The following FGGY variants were observed in gnomAD, a reference collection of about 807,000 sequenced individuals.
FGGY encodes FGGY carbohydrate kinase domain-containing protein.
FGGY carries 72 observed loss-of-function variants against 71.3 expected under a neutral mutation model. The ratio of observed to expected loss-of-function variants is 1.01; its 90% CI spans 0.84 to 1.23. The LOEUF (loss-of-function observed/expected upper bound fraction) is 1.23. Among genes scored for constraint, FGGY ranks in the 50% most tolerant of loss-of-function variants. The pLI is 0.00. For missense variants in FGGY, 668 were observed against 682.3 expected (o/e 0.98, Z 0.23); for synonymous variants, 251 against 250.3 (o/e 1.00, Z -0.02).
At chr1:59,429,724 C>T (rs1017129277) in intron 5 of FGGY, among the ~76,000 whole-genome samples, 3 of 152,178 alleles carry the variant, frequency 2.0e-5, no homozygotes, top group African/African-American at 7.2e-5. Flanking sequence ...ACACACGACA[C>T]ACACGTGACG....
chr1:59,332,545 T>G (rs929388264), intron 2 of FGGY, among the ~76,000 whole-genome samples: 4 of 152,098 alleles, frequency 2.6e-5, no homozygotes, highest in African/African-American at 7.2e-5. Context: ...AGGCATTTCC[T>G]TGTAAGGCTG....
At chr1:59,361,881 G>C (rs2055608311) in intron 4 of FGGY, among the ~76,000 whole-genome samples, 1 of 152,164 alleles carries the variant, frequency 6.6e-6, no homozygotes. Flanking sequence ...AACCCCACTT[G>C]TCCAAGAGGG....
chr1:59,491,352 A>G (rs1432423521), intron 6 of FGGY, among the ~76,000 whole-genome samples: 1 of 151,628 alleles, frequency 6.6e-6, no homozygotes, highest in Non-Finnish European at 1.5e-5. Flanking sequence ...CTGATGCATG[A>G]GCATGGAATG....
chr1:59,718,653 C>A (rs748549492), intron 14 of FGGY, among the ~76,000 whole-genome samples: 16 of 152,214 alleles, frequency 1.1e-4, no homozygotes, highest in South Asian at 2.1e-4. Flanking sequence ...TCTTTGTAAG[C>A]TTGTCACTTG....
At chr1:59,642,760 G>C (rs929262208) in intron 11 of FGGY, among the ~76,000 whole-genome samples, 1 of 151,628 alleles carries the variant, frequency 6.6e-6, no homozygotes, top group Non-Finnish European at 1.5e-5. Flanking sequence ...GGCTGGACGC[G>C]GTGGCTCACA....
intron 14 of FGGY, among the ~76,000 whole-genome samples, chr1:59,719,190 A>G (rs1033591217): frequency 6.6e-6 from 1 of 152,178 alleles, no homozygotes; most frequent in African/African-American, 2.4e-5. Flanking sequence ...AGATGAGGCT[A>G]TTCTGGGAAG....
At chr1:59,384,002 C>T (rs1426294916) in intron 5 of FGGY, among the ~76,000 whole-genome samples, 1 of 152,168 alleles carries the variant, frequency 6.6e-6, no homozygotes, top group Non-Finnish European at 1.5e-5. Context: ...TGAGATTTGT[C>T]TCAGATACTT....
intron 2 of FGGY, 69 bp from the exon 3 acceptor site, chr1:59,339,889 G>A: frequency 1.1e-6 from 1 of 890,082 alleles, no homozygotes; most frequent in Non-Finnish European, 1.8e-6. Flanking sequence ...CTTCCTTCTA[G>A]TTGTAACTGT....
chr1:59,690,217 C>T (rs901313179), intron 14 of FGGY, among the ~76,000 whole-genome samples: 3 of 152,108 alleles, frequency 2.0e-5, no homozygotes, highest in Admixed American at 6.5e-5. Context: ...CTCCTGTCTT[C>T]AAGGGGCCCC....
chr1:59,567,981 A>G (rs938321040), intron 8 of FGGY, among the ~76,000 whole-genome samples: 1 of 151,768 alleles, frequency 6.6e-6, no homozygotes, highest in Non-Finnish European at 1.5e-5. Context: ...GCATCTGCAC[A>G]CGCTTGTTTG....
At chr1:59,375,265 GA>G (rs1289366742) in intron 4 of FGGY, among the ~76,000 whole-genome samples, 219 of 99,852 alleles carry the variant, frequency 2.2e-3, no homozygotes, top group Middle Eastern at 6.5e-3. Context: ...TCTCAAAAAA[GA>G]AAAAAAAAAA....
In FGGY at chr1:59,608,134, G is replaced by T. The variant is rs187008640; in HGVS notation, c.1011+224G>T. On this transcript the variant is annotated intron_variant, in intron 9 of 15. Coordinates refer to ENST00000303721, the MANE Select transcript of FGGY (RefSeq NM_018291.5). ...TGATGACCAGCCCTTCTTCTCACCT[G>T]ATCTTTCCTTACATCAATCCATTTT... Among the ~76,000 whole-genome samples, 2 of 152,230 alleles carry T rather than the reference G, an allele frequency of 1.3e-5. 1 individual carries two copies. The highest frequency in any genetic ancestry group is 3.9e-4 in the East Asian group (2 of 5,178).
intron 6 of FGGY, among the ~76,000 whole-genome samples, chr1:59,465,319 T>TA (rs2092549593): frequency 6.6e-6 from 1 of 152,184 alleles, no homozygotes; most frequent in Non-Finnish European, 1.5e-5. Flanking sequence ...TACATAATGC[T>TA]AAAAACTTAA....
At chr1:59,459,400 G>A (rs2091985860) in intron 6 of FGGY, among the ~76,000 whole-genome samples, 2 of 152,144 alleles carry the variant, frequency 1.3e-5, no homozygotes, top group Non-Finnish European at 2.9e-5. Flanking sequence ...CATTCACAAA[G>A]TAAGGAAAAA....
chr1:59,370,284 C>T (rs753558398), intron 4 of FGGY, among the ~76,000 whole-genome samples: 14 of 152,030 alleles, frequency 9.2e-5, no homozygotes, highest in South Asian at 2.1e-4. Context: ...CCTCAGGAGA[C>T]GATGCGATCA....
At chr1:59,309,906 A>C (rs2043995452) in intron 1 of FGGY, 1 of 151,690 alleles carries the variant, frequency 6.6e-6, no homozygotes, top group Non-Finnish European at 1.5e-5. Context: ...CTTGAAACCC[A>C]AGAGGCAGAG....
chr1:59,427,299 T>C (rs1572024336), intron 5 of FGGY, among the ~76,000 whole-genome samples: 1 of 152,166 alleles, frequency 6.6e-6, no homozygotes, highest in Non-Finnish European at 1.5e-5. Context: ...AAAAATCCAG[T>C]TGGGACCAGT....
At chr1:59,326,722 G>GA (rs1553143031) in intron 2 of FGGY, among the ~76,000 whole-genome samples, 2 of 148,810 alleles carry the variant, frequency 1.3e-5, no homozygotes, top group African/African-American at 4.9e-5. Context: ...CATTTGAAGT[G>GA]TTTTTTTTTT....
At chr1:59,692,454 A>G (rs988479854) in intron 14 of FGGY, among the ~76,000 whole-genome samples, 27 of 152,220 alleles carry the variant, frequency 1.8e-4, no homozygotes, top group Non-Finnish European at 3.7e-4. Flanking sequence ...TGGAGAGCTA[A>G]TAAGTGTCAG....
Sources: allele counts gnomAD v4.1 joint callset (sites outside exome capture counted in the v4.1 genomes callset), GRCh38; gene constraint gnomAD v4.1.1; transcripts MANE v1.5; gene names NCBI Gene and HGNC (gene_info 2026-07-23, HGNC 2026-07-21).